Variants in PRICKLE2 observed in about 807,000 individuals in gnomAD.
PRICKLE2 encodes prickle planar cell polarity protein 2.
PRICKLE2 carries 21 observed loss-of-function variants against 81.4 expected under a neutral mutation model. The ratio of observed to expected loss-of-function variants is 0.26; its 90% confidence interval spans 0.18 to 0.37. The LOEUF (loss-of-function observed/expected upper bound fraction) is 0.37. PRICKLE2 is among the 10% of genes least tolerant of loss of function. The probability of loss-of-function intolerance (pLI) is 1.00; values close to 1 mark genes in which losing one functional copy is unlikely to be tolerated. For synonymous variants in PRICKLE2, 456 were observed against 421.5 expected (o/e 1.08, Z -1.00); for missense variants, 940 against 1,109.0 (o/e 0.85, Z 2.16).
chr3:64,157,391 A>G, intron 4 of PRICKLE2, 26 bp from the exon 5 acceptor site: 4 of 1,606,034 alleles, frequency 2.5e-6, no homozygotes, highest in Non-Finnish European at 3.4e-6. Flanking sequence ...AAACATCAGT[A>G]GTCACACTAG....
At chr3:64,135,604 C>T (rs2077265423) in intron 7 of PRICKLE2, among the ~76,000 whole-genome samples, 1 of 152,006 alleles carries the variant, frequency 6.6e-6, no homozygotes, top group Admixed American at 6.6e-5. Context: ...TGATAGCTGC[C>T]TCCCAGAGAT....
chr3:64,120,372 C>T (rs546203730), intron 7 of PRICKLE2, among the ~76,000 whole-genome samples: 31 of 152,170 alleles, frequency 2.0e-4, no homozygotes, highest in South Asian at 1.0e-3. Flanking sequence ...CTGGTGCTTC[C>T]GGAAATCTGG....
intron 7 of PRICKLE2, among the ~76,000 whole-genome samples, chr3:64,136,917 A>C (rs932012193): frequency 2.0e-5 from 3 of 152,238 alleles, no homozygotes; most frequent in African/African-American, 7.2e-5. Flanking sequence ...ATTCAATTGA[A>C]TATTAATGCA....
At position 64,096,050 on chromosome 3, in the gene PRICKLE2, G is replaced by A. The variant is rs556453174; in HGVS notation, c.*3001C>T. 2.0e-5 allele frequency: 3 copies of A among 152,326 alleles called. No homozygotes were observed. The highest frequency in any genetic ancestry group is 4.1e-4 in the South Asian group (2 of 4,826). The allele number at this position is 152,326 out of a possible 1,614,324, so 9.4% of individuals were successfully genotyped here. On this transcript the variant is annotated 3_prime_UTR_variant, in exon 8 of 8. Transcript: ENST00000638394. The stretch of plus-strand genomic sequence containing the variant: ...ACTGTCAATGACTTATACTTCCTGG[G>A]TCTGGGAACAAGCCAGCTATGTTGC...
intron 2 of PRICKLE2, among the ~76,000 whole-genome samples, chr3:64,267,256 G>C (rs938471756): frequency 6.6e-6 from 1 of 152,086 alleles, no homozygotes; most frequent in Non-Finnish European, 1.5e-5. Context: ...TGTAGAGCTA[G>C]GAAGGGCTAG....
intron 1 of PRICKLE2, among the ~76,000 whole-genome samples, chr3:64,216,988 C>A (rs114748868): frequency 6.6e-6 from 1 of 152,098 alleles, no homozygotes; most frequent in Non-Finnish European, 1.5e-5. Context: ...ACTCAGGCAG[C>A]GATTTAAATG....
At chr3:64,261,845 T>C (rs2107190291) in intron 2 of PRICKLE2, among the ~76,000 whole-genome samples, 1 of 152,280 alleles carries the variant, frequency 6.6e-6, no homozygotes, top group Non-Finnish European at 1.5e-5. Flanking sequence ...GGTTTTGTCC[T>C]TATTGCAATG....
chr3:64,199,184 C>T, intron 1 of PRICKLE2: 1 of 608,128 alleles, frequency 1.6e-6, no homozygotes, highest in Non-Finnish European at 2.9e-6. Context: ...CAGAGGCCAC[C>T]AGGTAAGCAT....
intron 7 of PRICKLE2, among the ~76,000 whole-genome samples, chr3:64,130,652 A>AT: frequency 6.6e-6 from 1 of 152,356 alleles, no homozygotes; most frequent in East Asian, 1.9e-4. Flanking sequence ...GAATTATCCC[A>AT]GAAGCTGGAA....
intron 7 of PRICKLE2, among the ~76,000 whole-genome samples, chr3:64,144,326 C>T (rs1166647661): frequency 6.6e-6 from 1 of 152,162 alleles, no homozygotes; most frequent in Non-Finnish European, 1.5e-5. Flanking sequence ...ATTTCTGTTT[C>T]TTCAACTCTG....
chr3:64,177,125 C>CTTTTTTTTT (rs10690677), intron 2 of PRICKLE2, among the ~76,000 whole-genome samples: 4 of 70,838 alleles, frequency 5.6e-5, no homozygotes, highest in Admixed American at 5.4e-4. Context: ...CCATTTTAAC[C>CTTTTTTTTT]TTTTTTTTTT....
chr3:64,156,943 C>T (rs2077645471), intron 5 of PRICKLE2, among the ~76,000 whole-genome samples: 1 of 152,144 alleles, frequency 6.6e-6, no homozygotes, highest in Non-Finnish European at 1.5e-5. Context: ...ACTGCCTTCC[C>T]AACAGGAAGC....
At chr3:64,157,392 G>T in intron 4 of PRICKLE2, 27 bp from the exon 5 acceptor site, 2 of 1,605,394 alleles carry the variant, frequency 1.2e-6, no homozygotes, top group Middle Eastern at 2.2e-4. Flanking sequence ...AACATCAGTA[G>T]TCACACTAGC....
rs1444988872 is a variant in PRICKLE2 at position 64,220,866 on chromosome 3, C to T, written c.-41+4044G>A. On this transcript the variant is annotated intron_variant, in intron 1 of 7. Transcript: ENST00000638394. The stretch of plus-strand genomic sequence containing the variant: ...GCCAAACATGCGCTAAAGTTTACCC[C>T]CTACACCCACCAGGGAAAGGCAGGC... Among the ~76,000 whole-genome samples, 5 of 152,128 alleles carry T rather than the reference C, an allele frequency of 3.3e-5. No homozygotes were observed. The South Asian group carries it at 1.0e-3, about 32-fold the overall frequency.
intron 2 of PRICKLE2, among the ~76,000 whole-genome samples, chr3:64,184,125 T>C (rs1480928859): frequency 6.6e-6 from 1 of 152,218 alleles, no homozygotes; most frequent in Non-Finnish European, 1.5e-5. Flanking sequence ...TAGATCTCAG[T>C]CTTGTTTCCC....
chr3:64,150,831 G>C (rs1444075247), intron 6 of PRICKLE2, among the ~76,000 whole-genome samples: 1 of 152,178 alleles, frequency 6.6e-6, no homozygotes, highest in Admixed American at 6.5e-5. Context: ...GGAGAGTGGA[G>C]GGGAGGCATA....
chr3:64,215,196 T>C (rs969114808), intron 1 of PRICKLE2, among the ~76,000 whole-genome samples: 2 of 152,120 alleles, frequency 1.3e-5, no homozygotes, highest in South Asian at 4.2e-4. Flanking sequence ...TGTTCCTCTC[T>C]CCCCAAATTT....
intron 2 of PRICKLE2, among the ~76,000 whole-genome samples, chr3:64,188,148 G>A (rs1439602009): frequency 6.6e-6 from 1 of 152,230 alleles, no homozygotes; most frequent in Non-Finnish European, 1.5e-5. Context: ...TGATTCTGAT[G>A]AGGACAGCAG....
intron 2 of PRICKLE2, among the ~76,000 whole-genome samples, chr3:64,179,783 G>A (rs945185941): frequency 6.6e-6 from 1 of 152,104 alleles, no homozygotes; most frequent in Non-Finnish European, 1.5e-5. Context: ...ACAGAATCAT[G>A]AAAAATGGGG....
Sources: gnomAD v4.1 joint callset for allele counts (sites outside exome capture counted in the v4.1 genomes callset) on GRCh38, gnomAD v4.1.1 for gene constraint, MANE v1.5 for transcripts, NCBI Gene and HGNC (gene_info 2026-07-23, HGNC 2026-07-21) for gene names.